The following DCC variants were observed in gnomAD, a reference collection of about 807,000 sequenced individuals.
DCC encodes netrin receptor DCC.
DCC carries 58 observed loss-of-function variants against 172.5 expected under a neutral mutation model. The ratio of observed to expected loss-of-function variants is 0.34; its 90% CI spans 0.27 to 0.42. The LOEUF is 0.42. Among genes scored for constraint, DCC ranks in the 10% least tolerant of loss-of-function variants. DCC has a pLI of 1.00. For missense variants in DCC, 1,740 were observed against 1,791.0 expected (o/e 0.97, Z 0.51); for synonymous variants, 709 against 644.5 (o/e 1.10, Z -1.52).
At chr18:52,795,309 TATTA>T (rs1260686393) in intron 2 of DCC, among the ~76,000 whole-genome samples, 2 of 151,734 alleles carry the variant, frequency 1.3e-5, no homozygotes, top group African/African-American at 4.8e-5. Context: ...TATTATTCAT[TATTA>T]ATTTGTTAGG....
chr18:52,372,857 C>G (rs746467818), intron 1 of DCC, among the ~76,000 whole-genome samples: 10 of 152,156 alleles, frequency 6.6e-5, no homozygotes, highest in Non-Finnish European at 1.2e-4. Context: ...GATGAAATAA[C>G]AAAAACCCGA....
intron 1 of DCC, among the ~76,000 whole-genome samples, chr18:52,716,608 T>C (rs1428749439): frequency 6.6e-6 from 1 of 152,226 alleles, no homozygotes; most frequent in African/African-American, 2.4e-5. Context: ...ATTACCCATG[T>C]CCATACAGAT....
chr18:52,736,820 A>C (rs139733043), intron 1 of DCC, among the ~76,000 whole-genome samples: 43 of 152,166 alleles, frequency 2.8e-4, no homozygotes, highest in Non-Finnish European at 4.4e-4. Flanking sequence ...CAAGTGGGGC[A>C]GAACAAGAGT....
chr18:52,821,590 C>G (rs994198153), intron 2 of DCC, among the ~76,000 whole-genome samples: 1 of 152,154 alleles, frequency 6.6e-6, no homozygotes, highest in Admixed American at 6.5e-5. Context: ...CCATTAAGAC[C>G]AATCTCATGA....
At chr18:53,021,163 G>A (rs556099116) in intron 5 of DCC, among the ~76,000 whole-genome samples, 3 of 152,296 alleles carry the variant, frequency 2.0e-5, no homozygotes, top group African/African-American at 4.8e-5. Context: ...ACACACGGCA[G>A]GGTATGGCGA....
At chr18:52,643,497 T>G (rs966505774) in intron 1 of DCC, among the ~76,000 whole-genome samples, 1 of 152,184 alleles carries the variant, frequency 6.6e-6, no homozygotes, top group African/African-American at 2.4e-5. Flanking sequence ...TCTTCTAAAA[T>G]TTTTCCTTTC....
In DCC at chr18:52,575,265, G is replaced by A. The variant is rs555118814; in HGVS notation, c.92-176789G>A. On this transcript the variant is annotated intron_variant, in intron 1 of 28. Transcript: ENST00000442544. ...CCTGAGAACTTCTTCATAGCTTTGG[G>A]CATTTAAAATTAGTAAATTACTAAA... Among the ~76,000 whole-genome samples the A allele has an allele frequency of 1.8e-4, 28 of 152,160 alleles. No homozygotes were observed. The South Asian group carries it at 5.4e-3, about 29-fold the overall frequency.
At chr18:52,827,859 G>GGGGCTGGGTTCGTAGGTGTGT (rs1314120008) in intron 2 of DCC, among the ~76,000 whole-genome samples, 2 of 152,224 alleles carry the variant, frequency 1.3e-5, no homozygotes, top group African/African-American at 2.4e-5. Flanking sequence ...AAGTCCCAGT[G>GGGGCTGGGTTCGTAGGTGTGT]GGGCTGGGTT....
intron 14 of DCC, among the ~76,000 whole-genome samples, chr18:53,329,036 C>T (rs951156179): frequency 6.6e-6 from 1 of 152,074 alleles, no homozygotes; most frequent in African/African-American, 2.4e-5. Flanking sequence ...AAAAGCCCAT[C>T]ATCTAATTAA....
chr18:53,315,632 C>G (rs897117878), intron 13 of DCC, among the ~76,000 whole-genome samples: 1 of 152,124 alleles, frequency 6.6e-6, no homozygotes, highest in African/African-American at 2.4e-5. Context: ...CTGTTGTTTC[C>G]TGACTTTTTA....
intron 2 of DCC, among the ~76,000 whole-genome samples, chr18:52,819,579 G>T (rs1369976440): frequency 1.3e-5 from 2 of 152,050 alleles, no homozygotes; most frequent in African/African-American, 4.8e-5. Context: ...ATGTGTTTTT[G>T]TGTTTGAAAA....
At chr18:52,554,400 T>C (rs2144728522) in intron 1 of DCC, among the ~76,000 whole-genome samples, 1 of 152,226 alleles carries the variant, frequency 6.6e-6, no homozygotes, top group African/African-American at 2.4e-5. Flanking sequence ...AGTGACATTT[T>C]CCAGCTTCCA....
intron 2 of DCC, among the ~76,000 whole-genome samples, chr18:52,825,232 T>C (rs1202489390): frequency 6.6e-6 from 1 of 152,190 alleles, no homozygotes; most frequent in East Asian, 1.9e-4. Context: ...TACATGATAT[T>C]GGTCAGCTTA....
At chr18:53,428,463 T>A (rs1354090524) in intron 21 of DCC, among the ~76,000 whole-genome samples, 10 of 30,016 alleles carry the variant, frequency 3.3e-4, no homozygotes, top group Non-Finnish European at 6.4e-4. Context: ...TTTATATATA[T>A]TATATAATAT....
chr18:53,477,219 G>A (rs545767713), intron 25 of DCC, among the ~76,000 whole-genome samples: 5 of 152,084 alleles, frequency 3.3e-5, no homozygotes, highest in Non-Finnish European at 5.9e-5. Context: ...ACGTTGCCCA[G>A]GCTGGTCTCA....
At chr18:52,691,578 G>A (rs1167487770) in intron 1 of DCC, among the ~76,000 whole-genome samples, 1 of 152,028 alleles carries the variant, frequency 6.6e-6, no homozygotes, top group Non-Finnish European at 1.5e-5. Context: ...TAATCTCAGG[G>A]GGGCTTCTTC....
chr18:52,388,276 A>T (rs1226592761), intron 1 of DCC, among the ~76,000 whole-genome samples: 1 of 151,852 alleles, frequency 6.6e-6, no homozygotes, highest in Non-Finnish European at 1.5e-5. Context: ...GGAAAAGAGG[A>T]TTTCTAATGT....
At chr18:52,810,211 A>C (rs2038167740) in intron 2 of DCC, among the ~76,000 whole-genome samples, 1 of 152,198 alleles carries the variant, frequency 6.6e-6, no homozygotes, top group African/African-American at 2.4e-5. Flanking sequence ...CCCACTTCTA[A>C]AGACAGGAGG....
At chr18:52,832,979 T>C (rs1393947585) in intron 2 of DCC, among the ~76,000 whole-genome samples, 2 of 152,302 alleles carry the variant, frequency 1.3e-5, no homozygotes, top group Non-Finnish European at 2.9e-5. Context: ...ATTAGCCATA[T>C]GCATAGCCCT....
Sources: gnomAD v4.1 joint callset for allele counts (sites outside exome capture counted in the v4.1 genomes callset) on GRCh38, gnomAD v4.1.1 for gene constraint, MANE v1.5 for transcripts, NCBI Gene and HGNC (gene_info 2026-07-23, HGNC 2026-07-21) for gene names.